Variants in CCL26 observed in about 807,000 individuals in gnomAD.
The protein encoded by CCL26 is C-C motif chemokine ligand 26.
In CCL26, 10 loss-of-function variants were observed where a neutral mutation model predicts 10.7. The observed-to-expected ratio is 0.93, with a 90% CI of 0.57 to 1.58. The LOEUF is 1.58. Among genes scored for constraint, CCL26 ranks in the 40% most tolerant of loss-of-function variants. CCL26 has a pLI of 0.00. For synonymous variants in CCL26, 43 were observed against 41.4 expected (o/e 1.04, Z -0.15); for missense variants, 116 against 111.0 (o/e 1.05, Z -0.20).
chr7:75,770,443 G>A (rs377517669), intron 2 of CCL26, among the ~76,000 whole-genome samples: 11 of 150,852 alleles, frequency 7.3e-5, no homozygotes, highest in African/African-American at 1.2e-4. Flanking sequence ...GTGCAATGGC[G>A]CGATCTCGGC....
rs189050684 is a variant in CCL26, at chr7:75,784,452, G to T, written c.-79+5265C>A. ...CCTCCTGGACCATCACAGATGCTTT[G>T]GGTAACTCTTACAGTGGAGAGTAAG... On this transcript the variant is annotated intron_variant, in intron 1 of 3. Transcript: ENST00000394905. 1.8e-3 allele frequency among the ~76,000 whole-genome samples: 276 copies of T among 152,246 alleles called. 5 individuals carry two copies. The East Asian group carries it at 0.049, about 27-fold the overall frequency.
chr7:75,784,417 A>T (rs62475536), intron 1 of CCL26, among the ~76,000 whole-genome samples: 26,987 of 152,084 alleles, frequency 0.18, 2,972 homozygotes, highest in East Asian at 0.28. Flanking sequence ...CTGCCTGAAC[A>T]CCTCGGAAGC....
Position 75,779,358 on chromosome 7 carries a change from C to T in CCL26, c.-78-7104G>A, listed in dbSNP as rs1803011286. On this transcript the variant is annotated intron_variant, in intron 1 of 3. Transcript: ENST00000394905. Reference sequence around the variant, plus strand: ...GGGACCTCCCTTGGGAGATAAATCCCATGTCCTCCTGCTCTTTGCTCCGTA... The same window carrying T: ...GGGACCTCCCTTGGGAGATAAATCCTATGTCCTCCTGCTCTTTGCTCCGTA... 3.9e-5 allele frequency among the ~76,000 whole-genome samples: 6 copies of T among 152,278 alleles called. No individual in the cohort carries two copies. The South Asian group carries it at 1.2e-3, about 32-fold the overall frequency.
At chr7:75,773,768 A>G (rs1802879348), upstream of CCL26, among the ~76,000 whole-genome samples, 1 of 151,636 alleles carries the variant, frequency 6.6e-6, no homozygotes, top group Non-Finnish European at 1.5e-5. Flanking sequence ...TTGTAATCCG[A>G]GCAACTTGGG....
At chr7:75,785,801 C>T (rs1554529933) in intron 1 of CCL26, among the ~76,000 whole-genome samples, 1 of 152,220 alleles carries the variant, frequency 6.6e-6, no homozygotes, top group African/African-American at 2.4e-5. Context: ...CTCTCCCTGA[C>T]TCATCCCAAC....
chr7:75,785,425 C>A (rs938803353), intron 1 of CCL26, among the ~76,000 whole-genome samples: 4 of 152,174 alleles, frequency 2.6e-5, no homozygotes, highest in African/African-American at 9.7e-5. Flanking sequence ...ATCTTCTCAA[C>A]AAGACACTCT....
chr7:75,778,963 G>A (rs113067766), intron 1 of CCL26, among the ~76,000 whole-genome samples: 26,970 of 151,952 alleles, frequency 0.18, 2,950 homozygotes, highest in South Asian at 0.27. Flanking sequence ...TGACCTGCAC[G>A]TATACATCCA....
At position 75,769,577 on chromosome 7, in the gene CCL26, C is replaced by T. The variant is rs1275206352; in HGVS notation, c.*116G>A. On this transcript the variant is annotated 3_prime_UTR_variant, in exon 3 of 3. Coordinates refer to ENST00000005180, the MANE Select transcript of CCL26 (RefSeq NM_001371938.1). ...TTATTAAAGTAACTCTGGGAGGAAA[C>T]ACCCTCTCCTCCCCAGCGGGTCCAT... is the stretch of plus-strand genomic sequence containing the variant. The T allele has an allele frequency of 3.3e-6, 2 of 611,712 alleles. No homozygotes were observed. Among genetic ancestry groups the T allele is most frequent in the Non-Finnish European group, 6.0e-6 (2 of 335,316 alleles). The allele number at this position is 611,712 out of a possible 1,614,324, so 37.9% of individuals were successfully genotyped here. A position where few individuals can be genotyped will look rare whatever the true frequency, so the allele number is the denominator to read the frequency against.
At chr7:75,774,940 T>G (rs1802903582), upstream of CCL26, among the ~76,000 whole-genome samples, 1 of 151,112 alleles carries the variant, frequency 6.6e-6, no homozygotes, top group Non-Finnish European at 1.5e-5. Flanking sequence ...GAATTATTGG[T>G]CGGGCCCGGT....
chr7:75,780,039 T>G (rs1190091585), intron 1 of CCL26, among the ~76,000 whole-genome samples: 1 of 150,066 alleles, frequency 6.7e-6, no homozygotes, highest in Non-Finnish European at 1.5e-5. Flanking sequence ...CCCCACCCCT[T>G]CTGTCCATGT....
chr7:75,788,332 C>T (rs1803248084), intron 1 of CCL26, among the ~76,000 whole-genome samples: 1 of 152,038 alleles, frequency 6.6e-6, no homozygotes, highest in Non-Finnish European at 1.5e-5. Context: ...CTCATCCTGG[C>T]TCAAAAGCTC....
chr7:75,781,109 T>C (rs1371054662), intron 1 of CCL26, among the ~76,000 whole-genome samples: 2 of 152,226 alleles, frequency 1.3e-5, no homozygotes, highest in African/African-American at 4.8e-5. Flanking sequence ...TTTACAGCCC[T>C]AGGCCCTGAA....
chr7:75,788,813 G>A (rs966891552), intron 1 of CCL26, among the ~76,000 whole-genome samples: 14 of 151,974 alleles, frequency 9.2e-5, no homozygotes, highest in African/African-American at 2.9e-4. Context: ...TCAAGGGGGC[G>A]TTCTGGGGGC....
At chr7:75,775,818 T>G (rs1802924695), upstream of CCL26, among the ~76,000 whole-genome samples, 1 of 150,502 alleles carries the variant, frequency 6.6e-6, no homozygotes, top group Non-Finnish European at 1.5e-5. Context: ...GTTCTCTTCT[T>G]TAGACTGAAC....
chr7:75,776,513 A>AAAGG (rs58177095), upstream of CCL26, among the ~76,000 whole-genome samples: 358 of 109,048 alleles, frequency 3.3e-3, 3 homozygotes, highest in East Asian at 9.9e-3. Flanking sequence ...TGCACTCCAA[A>AAAGG]AAGGAAGGAA....
chr7:75,787,913 G>A (rs1386249852), intron 1 of CCL26, among the ~76,000 whole-genome samples: 6 of 151,856 alleles, frequency 4.0e-5, no homozygotes, highest in East Asian at 1.9e-4. Context: ...AACGGCATCC[G>A]GGCCTTCACC....
At chr7:75,789,885 T>C (rs1163889660) in exon 1 of CCL26, 3 of 152,264 alleles carry the variant, frequency 2.0e-5, no homozygotes, top group African/African-American at 7.2e-5. Flanking sequence ...TAACTCACAT[T>C]TCTGAGGTTC....
chr7:75,779,293 C>T (rs930796839), intron 1 of CCL26, among the ~76,000 whole-genome samples: 1 of 152,162 alleles, frequency 6.6e-6, no homozygotes, highest in Non-Finnish European at 1.5e-5. Context: ...GGTCGCTTCA[C>T]ACGGACGCGA....
intron 1 of CCL26, among the ~76,000 whole-genome samples, chr7:75,781,618 C>G (rs1056480782): frequency 1.2e-4 from 19 of 152,178 alleles, no homozygotes; most frequent in South Asian, 4.1e-4. Context: ...AGTAACTGAA[C>G]AATCACAAAA....
Sources: gnomAD v4.1 joint callset for allele counts (sites outside exome capture counted in the v4.1 genomes callset) on GRCh38, gnomAD v4.1.1 for gene constraint, MANE v1.5 for transcripts, NCBI Gene and HGNC (gene_info 2026-07-23, HGNC 2026-07-21) for gene names.